TNKS: variants seen among roughly 807,000 people sequenced by gnomAD.
TNKS encodes poly [ADP-ribose] polymerase tankyrase-1.
TNKS carries 72 observed loss-of-function variants against 135.8 expected under a neutral mutation model. That is an observed-to-expected ratio of 0.53 (90% confidence interval 0.44 to 0.64). The LOEUF (loss-of-function observed/expected upper bound fraction) is 0.64, where lower values mean the gene tolerates loss of function less well. Ranked by LOEUF, TNKS falls within the 30% of genes least tolerant of loss-of-function variation. The pLI is 0.00. For missense variants in TNKS, 1,769 were observed against 1,674.0 expected, an observed-to-expected ratio of 1.06 and a Z score of -0.99; for synonymous variants, 849 against 649.3, an observed-to-expected ratio of 1.31 and a Z score of -4.68.
intron 12 of TNKS, among the ~76,000 whole-genome samples, chr8:9,722,657 C>G (rs1000803177): frequency 6.0e-4 from 91 of 151,958 alleles, no homozygotes; most frequent in African/African-American, 2.1e-3. Flanking sequence ...TATTTCTTCC[C>G]TCTCAGTAAA....
At chr8:9,598,743 GTATATATGTA>G (rs1297542422) in intron 2 of TNKS, among the ~76,000 whole-genome samples, 52 of 105,886 alleles carry the variant, frequency 4.9e-4, no homozygotes, top group African/African-American at 1.8e-3. Flanking sequence ...GTCTGTGTGT[GTATATATGTA>G]TATGTGTGTG....
intron 26 of TNKS, 21 bp downstream of exon 26, chr8:9,770,283 G>A (rs928802163): frequency 6.3e-7 from 1 of 1,594,062 alleles, no homozygotes; most frequent in Non-Finnish European, 8.6e-7. Flanking sequence ...CATCAAACAA[G>A]CATAACCAAG....
At chr8:9,772,383 G>C (rs1425856266) in intron 26 of TNKS, 1 of 455,402 alleles carries the variant, frequency 2.2e-6, no homozygotes, top group South Asian at 1.5e-5. Flanking sequence ...ATACTCTAAA[G>C]GCACGACATC....
intron 3 of TNKS, among the ~76,000 whole-genome samples, chr8:9,656,496 T>A (rs1277111656): frequency 6.6e-6 from 1 of 151,926 alleles, no homozygotes; most frequent in Admixed American, 6.6e-5. Flanking sequence ...GAGAGAAAGG[T>A]CGGGTTACCC....
intron 3 of TNKS, among the ~76,000 whole-genome samples, chr8:9,654,889 G>C: frequency 6.7e-6 from 1 of 149,600 alleles, no homozygotes; most frequent in East Asian, 1.9e-4. Context: ...GGGAGTGCCG[G>C]ACAGTGGGTG....
intron 3 of TNKS, 91 bp downstream of exon 3, chr8:9,615,768 C>A (rs1799622950): frequency 3.0e-6 from 3 of 995,220 alleles, no homozygotes; most frequent in Admixed American, 2.4e-5. Context: ...TTTCTTTTCA[C>A]TGATGAAGCT....
chr8:9,574,812 A>G (rs937710989), intron 1 of TNKS, among the ~76,000 whole-genome samples: 1 of 152,116 alleles, frequency 6.6e-6, no homozygotes, highest in African/African-American at 2.4e-5. Context: ...CTATGTATGA[A>G]AGTATCTGGA....
At chr8:9,656,737 C>G (rs1181631119) in intron 3 of TNKS, among the ~76,000 whole-genome samples, 1 of 150,652 alleles carries the variant, frequency 6.6e-6, no homozygotes, top group Non-Finnish European at 1.5e-5. Context: ...GAACAAAGGT[C>G]TCTGGTTTTC....
At chr8:9,659,387 C>G (rs1181049767) in intron 3 of TNKS, among the ~76,000 whole-genome samples, 2 of 152,188 alleles carry the variant, frequency 1.3e-5, no homozygotes, top group South Asian at 2.1e-4. Flanking sequence ...CAAACTGTCT[C>G]TCAGACCACA....
chr8:9,607,342 G>C (rs1315735089), intron 2 of TNKS, among the ~76,000 whole-genome samples: 2 of 151,796 alleles, frequency 1.3e-5, no homozygotes, highest in Non-Finnish European at 2.9e-5. Flanking sequence ...TAGGCTTTTT[G>C]GGGTTGAAAT....
intron 5 of TNKS, among the ~76,000 whole-genome samples, chr8:9,700,882 T>G (rs1803767019): frequency 6.6e-6 from 1 of 152,118 alleles, no homozygotes; most frequent in African/African-American, 2.4e-5. Context: ...ATCTTACAAT[T>G]AAATGATTTT....
chr8:9,559,828 G>C (rs1472409200), intron 1 of TNKS, among the ~76,000 whole-genome samples: 1 of 152,090 alleles, frequency 6.6e-6, no homozygotes. Flanking sequence ...AGAATCCTTT[G>C]TATCCTATCT....
chr8:9,663,373 C>T (rs1451279717), intron 3 of TNKS, among the ~76,000 whole-genome samples: 1 of 152,186 alleles, frequency 6.6e-6, no homozygotes, highest in Non-Finnish European at 1.5e-5. Context: ...TTGTCAAATA[C>T]AAACACGTGT....
At chr8:9,744,200 AT>A (rs370201551) in intron 17 of TNKS, among the ~76,000 whole-genome samples, 1 of 152,320 alleles carries the variant, frequency 6.6e-6, no homozygotes, top group East Asian at 1.9e-4. Context: ...TGTTCTTTAT[AT>A]AATAATGCCT....
At chr8:9,611,211 G>A (rs1469922464) in intron 2 of TNKS, among the ~76,000 whole-genome samples, 7 of 152,188 alleles carry the variant, frequency 4.6e-5, no homozygotes, top group Non-Finnish European at 1.0e-4. Flanking sequence ...AAAACAATTA[G>A]AAATCACTTA....
At chr8:9,564,895 A>G (rs1367504767) in intron 1 of TNKS, among the ~76,000 whole-genome samples, 1 of 152,224 alleles carries the variant, frequency 6.6e-6, no homozygotes, top group Admixed American at 6.5e-5. Context: ...TCAGAAATGG[A>G]CTTTCAGTTT....
At chr8:9,621,387 CT>C (rs1196617811) in intron 3 of TNKS, among the ~76,000 whole-genome samples, 1 of 151,888 alleles carries the variant, frequency 6.6e-6, no homozygotes, top group East Asian at 1.9e-4. Flanking sequence ...TCACTGCAAC[CT>C]CCACCTCCTG....
At chr8:9,564,794 A>G (rs1458196886) in intron 1 of TNKS, among the ~76,000 whole-genome samples, 1 of 152,248 alleles carries the variant, frequency 6.6e-6, no homozygotes, top group African/African-American at 2.4e-5. Flanking sequence ...AGGATTAGTT[A>G]AGATAAGATG....
At position 9,726,773 on chromosome 8, in the gene TNKS, A is replaced by G. The variant is rs1328190783; in HGVS notation, c.2001+53A>G. ...TAGCACTGTTGAACTTTGCTAACCA[A>G]TTCATTTTTAAGCTTCTAAGTATAT... On this transcript the variant is annotated intron_variant, in intron 13 of 26. Transcript: ENST00000310430. The G allele has an allele frequency of 2.1e-5, 30 of 1,403,528 alleles. 1 individual carries two copies. In the Admixed American group the frequency reaches 5.6e-4, roughly 26 times the overall value. 86.9% of individuals were successfully genotyped at this position (1,403,528 alleles called of 1,614,324 possible). A position where few individuals can be genotyped will look rare whatever the true frequency, so the allele number is the denominator to read the frequency against.
Sources: gnomAD v4.1 joint callset for allele counts (sites outside exome capture counted in the v4.1 genomes callset) on GRCh38, gnomAD v4.1.1 for gene constraint, MANE v1.5 for transcripts, NCBI Gene and HGNC (gene_info 2026-07-23, HGNC 2026-07-21) for gene names.